The following ERC1 variants were observed in gnomAD, a reference collection of about 807,000 sequenced individuals.
The protein encoded by ERC1 is RAB6 interacting protein 2.
ERC1 carries 56 observed loss-of-function variants against 132.0 expected under a neutral mutation model. The observed-to-expected ratio is 0.42, with a 90% confidence interval of 0.34 to 0.53. The LOEUF (loss-of-function observed/expected upper bound fraction) is 0.53, where lower values mean the gene tolerates loss of function less well. Among genes scored for constraint, ERC1 ranks in the 20% least tolerant of loss-of-function variants. The pLI, the probability that ERC1 is intolerant of heterozygous loss-of-function variation, is 0.03. For missense variants in ERC1, 1,202 were observed against 1,349.9 expected (o/e 0.89, Z 1.72); for synonymous variants, 478 against 476.1 (o/e 1.00, Z -0.05).
intron 8 of ERC1, among the ~76,000 whole-genome samples, chr12:1,142,306 G>C (rs569914603): frequency 6.6e-6 from 1 of 151,884 alleles, no homozygotes; most frequent in African/African-American, 2.4e-5. Flanking sequence ...ATATATTTTG[G>C]TATTCTTTCC....
chr12:1,396,974 G>A (rs2090597218), intron 16 of ERC1, among the ~76,000 whole-genome samples: 1 of 152,104 alleles, frequency 6.6e-6, no homozygotes, highest in Non-Finnish European at 1.5e-5. Context: ...TCAGCTCTAA[G>A]AAACCAAAGT....
At chr12:1,229,888 C>A (rs2074894179) in intron 12 of ERC1, among the ~76,000 whole-genome samples, 1 of 150,418 alleles carries the variant, frequency 6.6e-6, no homozygotes, top group Non-Finnish European at 1.5e-5. Context: ...TGTTTGAGAT[C>A]TTTATTTTCT....
At chr12:1,236,618 A>G in intron 12 of ERC1, 151 bp from the exon 13 acceptor site, 1 of 685,824 alleles carries the variant, frequency 1.5e-6, no homozygotes, top group South Asian at 2.4e-5. Context: ...ATTGAGAGGA[A>G]CGAATTTGGA....
At chr12:1,262,904 ATATCT>A in intron 13 of ERC1, 125 bp from the exon 14 acceptor site, 1 of 831,454 alleles carries the variant, frequency 1.2e-6, no homozygotes, top group East Asian at 2.7e-5. Flanking sequence ...CTCTGTGACG[ATATCT>A]TGTTGACCTG....
intron 2 of ERC1, among the ~76,000 whole-genome samples, chr12:1,063,594 G>A (rs929427511): frequency 6.6e-6 from 1 of 152,016 alleles, no homozygotes; most frequent in Non-Finnish European, 1.5e-5. Flanking sequence ...GTTTTTACAT[G>A]TGAAGTGAGT....
intron 13 of ERC1, among the ~76,000 whole-genome samples, chr12:1,242,003 C>T (rs1375355144): frequency 6.6e-6 from 1 of 151,644 alleles, no homozygotes; most frequent in Non-Finnish European, 1.5e-5. Context: ...GGATTACACA[C>T]CTGGCTAATT....
At chr12:1,100,326 G>T (rs1265317671) in intron 3 of ERC1, among the ~76,000 whole-genome samples, 1 of 152,226 alleles carries the variant, frequency 6.6e-6, no homozygotes, top group Non-Finnish European at 1.5e-5. Flanking sequence ...TGAGGCCAGA[G>T]AGGTAACAGG....
chr12:1,093,289 T>A (rs1005489356), intron 3 of ERC1, among the ~76,000 whole-genome samples: 2 of 143,172 alleles, frequency 1.4e-5, no homozygotes, highest in African/African-American at 4.9e-5. Context: ...TTTGACCGCT[T>A]ATTCTTAGCT....
chr12:1,165,645 A>C (rs1952348224), intron 8 of ERC1, among the ~76,000 whole-genome samples: 1 of 152,106 alleles, frequency 6.6e-6, no homozygotes, highest in Non-Finnish European at 1.5e-5. Flanking sequence ...AATTTTTAAG[A>C]ACATTAAGAA....
intron 8 of ERC1, among the ~76,000 whole-genome samples, chr12:1,162,491 T>G (rs1410250247): frequency 6.6e-6 from 1 of 151,950 alleles, no homozygotes; most frequent in African/African-American, 2.4e-5. Context: ...AGGTTTGTTT[T>G]TTTTTTTTGT....
chr12:1,303,067 A>G (rs1047994588), intron 15 of ERC1, among the ~76,000 whole-genome samples: 3 of 152,204 alleles, frequency 2.0e-5, no homozygotes, highest in African/African-American at 7.2e-5. Flanking sequence ...TTTAAAAAAA[A>G]TTCTCCTGAT....
intron 18 of ERC1, among the ~76,000 whole-genome samples, chr12:1,476,632 C>T (rs2093980122): frequency 6.6e-6 from 1 of 151,882 alleles, no homozygotes; most frequent in South Asian, 2.1e-4. Context: ...TGTTGGAGTC[C>T]CCAGTATGTT....
upstream of ERC1, chr12:990,927 C>T (rs1195952639): frequency 3.1e-5 from 4 of 128,064 alleles, no homozygotes; most frequent in Non-Finnish European, 6.6e-5. Context: ...CCCGTGGCCG[C>T]AGGGGTCGTG....
At chr12:1,254,333 ACT>A (rs752238056) in intron 13 of ERC1, among the ~76,000 whole-genome samples, 5 of 151,450 alleles carry the variant, frequency 3.3e-5, no homozygotes, top group Non-Finnish European at 5.9e-5. Context: ...ATGGAATAAA[ACT>A]CTCTCTCTAC....
At chr12:1,242,603 A>G (rs1682048380) in intron 13 of ERC1, among the ~76,000 whole-genome samples, 1 of 152,178 alleles carries the variant, frequency 6.6e-6, no homozygotes, top group South Asian at 2.1e-4. Flanking sequence ...ACGGAGTCAA[A>G]TTCCTTACAG....
rs1462318666 is a variant in ERC1, at chr12:1,180,543, GA to G, written c.1745del (p.Asn582IlefsTer13). The G allele has an allele frequency of 6.2e-7, 1 of 1,613,662 alleles. No individual in the cohort carries two copies. Among genetic ancestry groups the G allele is most frequent in the Admixed American group, 1.7e-5 (1 of 59,978 alleles). Reference protein sequence around the residue: ...RKVNVLQKKIENLQEQLRDKE... With the variant: ...RKVNVLQKKIXNLQEQLRDKE... The stretch of plus-strand genomic sequence containing the variant: ...TTAAATATTTATGTACATTTAGATT[GA>G]AAATCTTCAAGAGCAGCTTAGAGAC... On this transcript the variant is annotated frameshift_variant, in exon 9 of 19. Coordinates refer to ENST00000360905, the MANE Select transcript of ERC1 (RefSeq NM_178040.4). LOFTEE classifies it high-confidence loss of function.
At chr12:1,223,854 T>C (rs986332634) in intron 12 of ERC1, among the ~76,000 whole-genome samples, 1 of 152,170 alleles carries the variant, frequency 6.6e-6, no homozygotes, top group Non-Finnish European at 1.5e-5. Context: ...TTCAGATTAG[T>C]TCAGGCAAAA....
intron 12 of ERC1, among the ~76,000 whole-genome samples, chr12:1,192,322 T>C (rs1594105387): frequency 6.6e-6 from 1 of 152,364 alleles, no homozygotes; most frequent in South Asian, 2.1e-4. Flanking sequence ...TTTTAGGAGA[T>C]AATCAGTGCA....
chr12:1,154,235 GTATA>G (rs1951115737), intron 8 of ERC1, among the ~76,000 whole-genome samples: 2 of 76,198 alleles, frequency 2.6e-5, no homozygotes, highest in Non-Finnish European at 5.6e-5. Flanking sequence ...ATATGTATAT[GTATA>G]TGTATATGTA....
Sources: gnomAD v4.1 joint callset for allele counts (sites outside exome capture counted in the v4.1 genomes callset) on GRCh38, gnomAD v4.1.1 for gene constraint, MANE v1.5 for transcripts, NCBI Gene and HGNC (gene_info 2026-07-23, HGNC 2026-07-21) for gene names.